Variants in NXF3 observed in about 807,000 individuals in gnomAD.
NXF3 encodes TAP-like protein 3.
Under a neutral mutation model 48.4 loss-of-function variants are expected in NXF3, and 34 were observed. That is an observed-to-expected ratio of 0.70 (90% CI 0.53 to 0.93). The LOEUF is 0.93. Ranked by LOEUF, NXF3 falls within the 40% of genes least tolerant of loss-of-function variation. The pLI is 0.00. For missense variants in NXF3, 359 were observed against 406.1 expected (o/e 0.88, Z 1.00); for synonymous variants, 132 against 145.7 (o/e 0.91, Z 0.68).
chrX:103,078,890 C>T (rs1184539896), intron 16 of NXF3, among the ~76,000 whole-genome samples: 1 of 111,828 alleles, frequency 8.9e-6, no homozygotes, highest in Non-Finnish European at 1.9e-5. Context: ...TCACAGTAGC[C>T]CAAGAGATGG....
intron 7 of NXF3, 76 bp downstream of exon 7, chrX:103,082,928 G>A (rs1922051604): frequency 5.3e-6 from 6 of 1,135,550 alleles, no homozygotes; most frequent in Non-Finnish European, 7.2e-6. Flanking sequence ...CCCTCCCCAA[G>A]TTGCCAACCG....
At chrX:103,086,342 C>A (rs1922155234) in intron 1 of NXF3, among the ~76,000 whole-genome samples, 1 of 110,646 alleles carries the variant, frequency 9.0e-6, no homozygotes, top group Admixed American at 9.6e-5. Context: ...ACCCGGGAAG[C>A]AGAGCTTGTA....
intron 1 of NXF3, chrX:103,087,876 C>G (rs963846110): frequency 1.5e-5 from 15 of 985,315 alleles, no homozygotes; most frequent in Non-Finnish European, 1.3e-5. Flanking sequence ...AGATTCAAAG[C>G]AAACTTCTGA....
At chrX:103,082,894 G>A in intron 7 of NXF3, 46 bp from the exon 8 acceptor site, 10 of 1,145,803 alleles carry the variant, frequency 8.7e-6, no homozygotes, top group South Asian at 3.6e-5. Context: ...AGAGGGACCC[G>A]CCTGGTACAG....
intron 8 of NXF3, among the ~76,000 whole-genome samples, 190 bp from the exon 9 acceptor site, chrX:103,082,554 G>C (rs1209840796): frequency 1.8e-5 from 2 of 111,911 alleles, no homozygotes; most frequent in African/African-American, 6.5e-5. Context: ...AAGAAATTCA[G>C]CTTGTTAATG....
chrX:103,078,543 C>T lies in NXF3; in HGVS notation c.1451+17G>A. 1 of 1,212,171 alleles carries T rather than the reference C, an allele frequency of 8.2e-7. No homozygotes were observed. The highest frequency in any genetic ancestry group is 1.1e-6 in the Non-Finnish European group (1 of 895,610). ...CCAGGTTGGGATGGGTGCTCCCACCCACAACACAGCACTAACCTGGAACTG... is the reference window on the plus strand; with the variant it reads ...CCAGGTTGGGATGGGTGCTCCCACCTACAACACAGCACTAACCTGGAACTG... On this transcript the variant is annotated intron_variant, in intron 17 of 19. Coordinates refer to ENST00000395065, the MANE Select transcript of NXF3 (RefSeq NM_022052.2).
chrX:103,078,631 C>T lies in NXF3; in HGVS notation c.1380G>A (p.Val460=), dbSNP rs1921930223. Residue 460 remains valine (V), a splice_region_variant and synonymous_variant, in exon 17 of 20, where the codon GTG becomes GTA. Transcript: ENST00000395065. ...CFSVNGVFKE[V]EGQSQGSVLA... ...GAACAGAACCCTGAGACTGTCCTTC[C>T]ACTTCAAAGACAACAAACAACATTG... 8.3e-7 allele frequency: 1 copy of T among 1,210,375 alleles called. No homozygotes were observed. Among genetic ancestry groups the T allele is most frequent in the African/African-American group, 1.7e-5 (1 of 57,219 alleles).
chrX:103,080,784 C>T (rs1921989414), intron 9 of NXF3, 172 bp from the exon 10 acceptor site: 1 of 468,973 alleles, frequency 2.1e-6, no homozygotes, highest in African/African-American at 2.4e-5. Context: ...TCAGGACTTT[C>T]TTCCCCTCCC....
Position 103,080,575 on chromosome X carries a change from C to T in NXF3, c.927+1G>A. On this transcript the variant is annotated splice_donor_variant, in intron 10 of 19. Coordinates refer to ENST00000395065, the MANE Select transcript of NXF3 (RefSeq NM_022052.2). LOFTEE classifies it high-confidence loss of function. The stretch of plus-strand genomic sequence containing the variant: ...AGTCAATGATCAAGGAATACACTTA[C>T]CAGGCATAATAATTTGGGGAACAAT... 1 of 1,209,410 alleles carries T rather than the reference C, an allele frequency of 8.3e-7. No homozygotes were observed. The highest frequency in any genetic ancestry group is 1.1e-6 in the Non-Finnish European group (1 of 893,174).
At chrX:103,088,994 T>C (rs1922216032) in intron 1 of NXF3, 1 of 1,170,698 alleles carries the variant, frequency 8.5e-7, no homozygotes, top group South Asian at 1.8e-5. Flanking sequence ...AGCCCTGTCT[T>C]CCTAATGTAC....
Position 103,079,661 on chromosome X carries a change from C to G in NXF3, c.1161-19G>C, listed in dbSNP as rs375135233. On this transcript the variant is annotated intron_variant, in intron 13 of 19. Transcript: ENST00000395065. Reference sequence around the variant, plus strand: ...GCTGCTCCTAGAAGAAAAAGAGGAGCAGGAGTGGGTGGTCTGGCCAGTGCA... The same window carrying G: ...GCTGCTCCTAGAAGAAAAAGAGGAGGAGGAGTGGGTGGTCTGGCCAGTGCA... 26 of 1,203,195 alleles carry G rather than the reference C, an allele frequency of 2.2e-5. No individual in the cohort carries two copies. In the African/African-American group the frequency reaches 3.7e-4, roughly 17 times the overall value.
chrX:103,082,657 C>T, intron 8 of NXF3, 103 bp downstream of exon 8: 1 of 678,864 alleles, frequency 1.5e-6, no homozygotes, highest in African/African-American at 2.1e-5. Context: ...GAATTAAGAA[C>T]TAAGAGTGAA....
chrX:103,092,315 A>C (rs1780652912), intron 1 of NXF3, among the ~76,000 whole-genome samples: 1 of 109,046 alleles, frequency 9.2e-6, no homozygotes, highest in South Asian at 3.9e-4. Flanking sequence ...TGCTGGTTAA[A>C]ATTATTGAAA....
chrX:103,082,809 C>G lies in NXF3; in HGVS notation c.731G>C (p.Arg244Thr), dbSNP rs1922048453. Residue 244 changes from arginine to threonine, a missense_variant, in exon 8 of 20, where the codon AGA becomes ACA. Physicochemically the swap from Arg to Thr is moderately conservative, Grantham distance 71. Coordinates refer to ENST00000395065, the MANE Select transcript of NXF3 (RefSeq NM_022052.2). ...GTCCAGGGAGGCAGCCATGCACTTTCTAGGATTCGATGCCATCTTAGTATC... is the reference window on the plus strand; with the variant it reads ...GTCCAGGGAGGCAGCCATGCACTTTGTAGGATTCGATGCCATCTTAGTATC... ...NRDTKMASNP[R>T]KCMAASLDVH... is the part of the protein sequence containing the mutation. 2 of 1,210,640 alleles carry G rather than the reference C, an allele frequency of 1.7e-6. No individual in the cohort carries two copies. The highest frequency in any genetic ancestry group is 5.9e-5 in the East Asian group (2 of 33,816).
intron 1 of NXF3, among the ~76,000 whole-genome samples, chrX:103,089,834 C>T (rs766399235): frequency 7.2e-5 from 8 of 111,130 alleles, no homozygotes; most frequent in Non-Finnish European, 1.3e-4. Context: ...AGTATTTTTT[C>T]ATTGGTCTTT....
At chrX:103,078,087 G>A (rs1921915750) in intron 17 of NXF3, among the ~76,000 whole-genome samples, 1 of 112,040 alleles carries the variant, frequency 8.9e-6, no homozygotes, top group African/African-American at 3.3e-5. Flanking sequence ...CAAAGTCACA[G>A]TGAGTATTGC....
At chrX:103,084,543 T>C in intron 2 of NXF3, 48 bp from the exon 3 acceptor site, 5 of 1,179,848 alleles carry the variant, frequency 4.2e-6, no homozygotes, top group Non-Finnish European at 5.8e-6. Flanking sequence ...CCGAAAGTAT[T>C]TTATACACAT....
intron 9 of NXF3, chrX:103,081,654 G>C (rs925169240): frequency 8.9e-6 from 1 of 112,722 alleles, no homozygotes; most frequent in African/African-American, 3.2e-5. Flanking sequence ...CCCGCTTCTG[G>C]TCCCTTGACT....
intron 17 of NXF3, 79 bp downstream of exon 17, chrX:103,078,481 C>T (rs1921924757): frequency 1.7e-6 from 2 of 1,184,440 alleles, no homozygotes; most frequent in African/African-American, 1.8e-5. Flanking sequence ...TGAGAACACC[C>T]CGAGGACTGC....
Sources: allele counts gnomAD v4.1 joint callset (sites outside exome capture counted in the v4.1 genomes callset), GRCh38; gene constraint gnomAD v4.1.1; transcripts MANE v1.5; gene names NCBI Gene and HGNC (gene_info 2026-07-23, HGNC 2026-07-21).